The following TUT4 variants were observed in gnomAD, a reference collection of about 807,000 sequenced individuals.
TUT4 encodes terminal uridylyl transferase 4, also known as terminal uridylyltransferase 4.
TUT4 carries 36 observed loss-of-function variants against 192.2 expected under a neutral mutation model. The ratio of observed to expected loss-of-function variants is 0.19; its 90% CI spans 0.14 to 0.25. The LOEUF (loss-of-function observed/expected upper bound fraction) is 0.25. Ranked by LOEUF, TUT4 falls within the 10% of genes least tolerant of loss-of-function variation. The probability of loss-of-function intolerance (pLI) is 1.00; values close to 1 mark genes in which losing one functional copy is unlikely to be tolerated. For synonymous variants in TUT4, 618 were observed against 666.0 expected, an observed-to-expected ratio of 0.93 and a Z score of 1.11; for missense variants, 1,493 against 1,957.2, an observed-to-expected ratio of 0.76 and a Z score of 4.47.
At chr1:52,467,565 A>G (rs1205649635) in intron 15 of TUT4, among the ~76,000 whole-genome samples, 1 of 152,164 alleles carries the variant, frequency 6.6e-6, no homozygotes, top group African/African-American at 2.4e-5. Flanking sequence ...TTCCAGTCTT[A>G]TAGCCCAGCA....
intron 1 of TUT4, among the ~76,000 whole-genome samples, chr1:52,534,242 G>T (rs1193806506): frequency 1.3e-5 from 2 of 152,126 alleles, no homozygotes; most frequent in Non-Finnish European, 2.9e-5. Context: ...GCCTGCAGTT[G>T]TTCAGCTCTG....
rs560429483 is a variant in TUT4, at chr1:52,460,508, CAAT to C, written c.3321+623_3321+625del. The stretch of plus-strand genomic sequence containing the variant: ...ACAACAGGAACAACAACAACAACAA[CAAT>C]AGCCTTCCTATTAGAAAGAGGAAGC... On this transcript the variant is annotated intron_variant, in intron 19 of 29. Transcript: ENST00000257177. Among the ~76,000 whole-genome samples, 16 of 152,216 alleles carry C rather than the reference CAAT, an allele frequency of 1.1e-4. No individual in the cohort carries two copies. The South Asian group carries it at 3.1e-3, about 30-fold the overall frequency.
chr1:52,437,028 G>A (rs1353209438), intron 25 of TUT4, 50 bp from the exon 26 acceptor site: 1 of 1,592,950 alleles, frequency 6.3e-7, no homozygotes, highest in Non-Finnish European at 8.5e-7. Flanking sequence ...GTGAGTCACA[G>A]AACAAACTAT....
chr1:52,478,966 C>T (rs1349289535), intron 11 of TUT4, among the ~76,000 whole-genome samples: 1 of 151,640 alleles, frequency 6.6e-6, no homozygotes, highest in Non-Finnish European at 1.5e-5. Context: ...AAGTAAATTA[C>T]ATAGTAACTT....
rs1028384770 is a variant in TUT4, at chr1:52,466,430, T to A, written c.2966-1257A>T. Among the ~76,000 whole-genome samples, 25 of 151,312 alleles carry A rather than the reference T, an allele frequency of 1.7e-4. 1 individual carries two copies. Among genetic ancestry groups the A allele is most frequent in the Admixed American group, 1.1e-3 (16 of 15,156 alleles). On this transcript the variant is annotated intron_variant, in intron 15 of 29. Coordinates refer to ENST00000257177, the MANE Select transcript of TUT4 (RefSeq NM_001009881.3). ...AGCTGAGGTGGGTGGATCACTTGAG[T>A]TCAGGAGTTTGAGACCTGCTTGGAA...
intron 2 of TUT4, among the ~76,000 whole-genome samples, chr1:52,522,403 T>TA (rs367948063): frequency 6.6e-5 from 10 of 152,358 alleles, no homozygotes; most frequent in African/African-American, 2.4e-4. Context: ...ACGTGTCCGG[T>TA]ACTACATGAA....
intron 4 of TUT4, among the ~76,000 whole-genome samples, chr1:52,507,688 C>T (rs923062306): frequency 6.6e-6 from 1 of 152,116 alleles, no homozygotes; most frequent in Non-Finnish European, 1.5e-5. Context: ...CAACATGATG[C>T]TCAAAGGAAA....
chr1:52,513,750 T>C (rs1677928257), intron 3 of TUT4, among the ~76,000 whole-genome samples: 1 of 152,148 alleles, frequency 6.6e-6, no homozygotes, highest in South Asian at 2.1e-4. Flanking sequence ...CCCAACCAGT[T>C]CTCTGCTTAT....
At chr1:52,463,062 C>A in intron 16 of TUT4, 1 of 982,920 alleles carries the variant, frequency 1.0e-6, no homozygotes, top group Non-Finnish European at 1.2e-6. Context: ...TATTATTCAA[C>A]GATACAATTA....
chr1:52,531,466 G>A (rs1376768516), intron 1 of TUT4, among the ~76,000 whole-genome samples: 2 of 152,100 alleles, frequency 1.3e-5, no homozygotes, highest in African/African-American at 4.8e-5. Context: ...TCTGATTCGT[G>A]TCAGTCTCCC....
intron 2 of TUT4, among the ~76,000 whole-genome samples, chr1:52,522,052 C>A (rs1264484117): frequency 6.8e-6 from 1 of 147,520 alleles, no homozygotes; most frequent in East Asian, 1.9e-4. Flanking sequence ...TTAATTCAAA[C>A]ATTATTAATT....
chr1:52,520,891 C>T (rs541797237), intron 2 of TUT4, among the ~76,000 whole-genome samples: 7 of 152,272 alleles, frequency 4.6e-5, no homozygotes, highest in Non-Finnish European at 7.3e-5. Context: ...CTCCCAGGTT[C>T]AAGCAATTCT....
At chr1:52,439,217 G>T (rs867487831) in intron 24 of TUT4, among the ~76,000 whole-genome samples, 1 of 152,002 alleles carries the variant, frequency 6.6e-6, no homozygotes, top group African/African-American at 2.4e-5. Context: ...ACGAAGTGGC[G>T]AAACTCTGTC....
intron 20 of TUT4, among the ~76,000 whole-genome samples, chr1:52,447,582 G>GA (rs989154488): frequency 2.0e-5 from 3 of 151,784 alleles, no homozygotes; most frequent in Admixed American, 6.6e-5. Context: ...GAAAAAAGGA[G>GA]AAAAAAACGC....
At chr1:52,477,522 C>T (rs1667415114) in intron 12 of TUT4, among the ~76,000 whole-genome samples, 186 bp downstream of exon 12, 1 of 152,100 alleles carries the variant, frequency 6.6e-6, no homozygotes, top group Non-Finnish European at 1.5e-5. Flanking sequence ...AGCCATGATC[C>T]TATCACTGCA....
chr1:52,437,080 T>C, intron 25 of TUT4, 102 bp from the exon 26 acceptor site: 1 of 1,454,402 alleles, frequency 6.9e-7, no homozygotes, highest in East Asian at 2.4e-5. Flanking sequence ...ATGCCCATCA[T>C]TTCATGCGTC....
At chr1:52,501,397 A>G (rs1674027483) in intron 4 of TUT4, among the ~76,000 whole-genome samples, 1 of 151,596 alleles carries the variant, frequency 6.6e-6, no homozygotes, top group African/African-American at 2.4e-5. Context: ...TCAAAAGCAC[A>G]ATGAAATACC....
intron 1 of TUT4, among the ~76,000 whole-genome samples, chr1:52,534,068 A>C (rs1382948474): frequency 6.6e-6 from 1 of 152,188 alleles, no homozygotes; most frequent in Admixed American, 6.5e-5. Context: ...AACATCCCTG[A>C]CCTCTTTCCA....
intron 20 of TUT4, among the ~76,000 whole-genome samples, chr1:52,455,959 T>C (rs1660813649): frequency 6.6e-6 from 1 of 152,192 alleles, no homozygotes; most frequent in East Asian, 1.9e-4. Flanking sequence ...CCAAAAGACC[T>C]GAAAACTATG....
Sources: allele counts gnomAD v4.1 joint callset (sites outside exome capture counted in the v4.1 genomes callset), GRCh38; gene constraint gnomAD v4.1.1; transcripts MANE v1.5; gene names NCBI Gene and HGNC (gene_info 2026-07-23, HGNC 2026-07-21).